Variants in SDHB observed in about 807,000 individuals in gnomAD.
The protein encoded by SDHB is succinate dehydrogenase complex iron sulfur subunit B.
A neutral mutation model predicts 39.7 loss-of-function variants in SDHB; 21 were observed. The ratio of observed to expected loss-of-function variants is 0.53; its 90% CI spans 0.37 to 0.76. The LOEUF is 0.76. Among genes scored for constraint, SDHB ranks in the 30% least tolerant of loss-of-function variants. The probability of loss-of-function intolerance (pLI) is 0.00; values close to 1 mark genes in which losing one functional copy is unlikely to be tolerated. For missense variants in SDHB, 343 were observed against 350.9 expected (o/e 0.98, Z 0.18); for synonymous variants, 118 against 117.0 (o/e 1.01, Z -0.06).
intron 7 of SDHB, 143 bp from the exon 8 acceptor site, chr1:17,019,101 G>T: frequency 4.2e-6 from 3 of 722,406 alleles, no homozygotes; most frequent in Non-Finnish European, 7.5e-6. Flanking sequence ...AACCATAGGG[G>T]TTGGGCTAAG....
chr1:17,018,935 A>T lies in SDHB; in HGVS notation c.789T>A (p.Ile263=). ...TTGCCATCATTTTCTTGATCTCTGC[A>T]ATAGCTTTCCCTGGATTCAGACCCT... The part of the protein sequence containing the change: ...CPKGLNPGKA[I]AEIKKMMATY... Residue 263 remains isoleucine, a synonymous_variant, in exon 8 of 8, where the codon ATT becomes ATA. Transcript: ENST00000375499. 6.2e-7 allele frequency: 1 copy of T among 1,612,546 alleles called. No homozygotes were observed.
chr1:17,027,789 T>G lies in SDHB; in HGVS notation c.500A>C (p.Lys167Thr). ...LKKKDESQEG[K>T]QQYLQSIEER... is the part of the protein sequence containing the mutation. ...TTCTATGGACTGCAGATACTGCTGC[T>G]TGCCTTCCTGAGATTCATCCTTCTT... is the stretch of plus-strand genomic sequence containing the variant. Residue 167 changes from lysine to threonine, a missense_variant, in exon 5 of 8, where the codon AAG becomes ACG. Physicochemically the swap from Lys to Thr is moderately conservative, Grantham distance 78 (BLOSUM62 -1). Coordinates refer to ENST00000375499, the MANE Select transcript of SDHB (RefSeq NM_003000.3). 6.2e-7 allele frequency: 1 copy of G among 1,612,962 alleles called. No individual in the cohort carries two copies. Among genetic ancestry groups the G allele is most frequent in the Admixed American group, 1.7e-5 (1 of 60,014 alleles).
At chr1:17,027,983 A>G (rs2078000999) in intron 4 of SDHB, 118 bp from the exon 5 acceptor site, 1 of 704,800 alleles carries the variant, frequency 1.4e-6, no homozygotes, top group African/African-American at 1.8e-5. Context: ...TATGCCAGGC[A>G]GAAGCCAGAC....
At chr1:17,044,965 A>T in intron 1 of SDHB, 77 bp from the exon 2 acceptor site, 1 of 1,291,030 alleles carries the variant, frequency 7.7e-7, no homozygotes, top group Non-Finnish European at 1.1e-6. Flanking sequence ...GGCACAACAG[A>T]TGTAACGCTG....
chr1:17,032,247 G>A (rs2078027485), intron 3 of SDHB, among the ~76,000 whole-genome samples: 2 of 148,736 alleles, frequency 1.3e-5, no homozygotes, highest in Middle Eastern at 3.2e-3. Flanking sequence ...TGCCCAGGCT[G>A]GAGTGCAGTG....
chr1:17,023,781 C>T (rs762446189), intron 6 of SDHB, among the ~76,000 whole-genome samples, 192 bp downstream of exon 6: 16 of 152,204 alleles, frequency 1.1e-4, no homozygotes, highest in Non-Finnish European at 2.4e-4. Flanking sequence ...GAAACAAAGG[C>T]AATTTGCAGA....
intron 1 of SDHB, among the ~76,000 whole-genome samples, chr1:17,046,981 T>C (rs952858774): frequency 2.0e-5 from 3 of 152,218 alleles, no homozygotes; most frequent in African/African-American, 7.2e-5. Flanking sequence ...CCTCCCAAAC[T>C]GCTAGGATTA....
chr1:17,039,622 A>G (rs913796027), intron 2 of SDHB, among the ~76,000 whole-genome samples: 2 of 152,036 alleles, frequency 1.3e-5, no homozygotes, highest in African/African-American at 2.4e-5. Flanking sequence ...CTGTCTCAGA[A>G]GAAGAAAAAA....
chr1:17,026,633 G>A (rs1302917930), intron 5 of SDHB, among the ~76,000 whole-genome samples: 1 of 152,058 alleles, frequency 6.6e-6, no homozygotes, highest in Non-Finnish European at 1.5e-5. Flanking sequence ...CCTAAGTGCT[G>A]GGATTACAGA....
chr1:17,023,142 G>A (rs2077971885), intron 6 of SDHB: 2 of 327,530 alleles, frequency 6.1e-6, no homozygotes, highest in Admixed American at 8.4e-5. Flanking sequence ...TAACAGACCT[G>A]TCTACAGATA....
chr1:17,029,430 A>ATTT (rs34853585), intron 3 of SDHB, among the ~76,000 whole-genome samples: 1 of 137,210 alleles, frequency 7.3e-6, no homozygotes, highest in Non-Finnish European at 1.6e-5. Flanking sequence ...CGTCAAGCCT[A>ATTT]TTTTTTTTTT....
Position 17,028,725 on chromosome 1 carries a change from A to G in SDHB, c.298T>C (p.Ser100Pro). ...CCTCCATTGATGTTCATTGCACAAG[A>G]GCCACAGATGCCTGAAAGAGACACA... is the stretch of plus-strand genomic sequence containing the variant. The part of the protein sequence containing the change: ...RRSCREGICG[S>P]CAMNINGGNT... Residue 100 changes from serine (S) to proline (P), a missense_variant, in exon 4 of 8, where the codon TCT (serine) becomes CCT (proline). Transcript: ENST00000375499. The G allele has an allele frequency of 1.9e-6, 3 of 1,614,078 alleles. No individual in the cohort carries two copies. Among genetic ancestry groups the G allele is most frequent in the Non-Finnish European group, 1.7e-6 (2 of 1,180,030 alleles).
chr1:17,038,243 T>C (rs957486073), intron 2 of SDHB, among the ~76,000 whole-genome samples: 1 of 152,238 alleles, frequency 6.6e-6, no homozygotes, highest in Non-Finnish European at 1.5e-5. Context: ...ATGTTATCTA[T>C]GAGAGACAGT....
rs192529901 is a variant in SDHB at position 17,036,112 on chromosome 1, A to G, written c.201-2967T>C. Among the ~76,000 whole-genome samples the G allele has an allele frequency of 9.2e-5, 14 of 152,276 alleles. No homozygotes were observed. The East Asian group carries it at 2.7e-3, about 29-fold the overall frequency. On this transcript the variant is annotated intron_variant, in intron 2 of 7. Coordinates refer to ENST00000375499, the MANE Select transcript of SDHB (RefSeq NM_003000.3). ...CATTTCTATAAGATTTTTAGAATCA[A>G]CTTGTCAACTTCTGCAGAAAAGGCA...
rs750144449 is a variant in SDHB, at chr1:17,018,978, A to G, written c.766-20T>C. Reference sequence around the variant, plus strand: ...CAGACCCTTGAAAAAAGAGAAAAGAATCAATAACAAATGATAACTGAAACT... The same window carrying G: ...CAGACCCTTGAAAAAAGAGAAAAGAGTCAATAACAAATGATAACTGAAACT... On this transcript the variant is annotated intron_variant, in intron 7 of 7. Transcript: ENST00000375499. 23 of 1,569,546 alleles carry G rather than the reference A, an allele frequency of 1.5e-5. No homozygotes were observed. The highest frequency in any genetic ancestry group is 1.9e-5 in the Non-Finnish European group (22 of 1,141,492).
At chr1:17,023,916 T>G in intron 6 of SDHB, 57 bp downstream of exon 6, 9 of 1,337,714 alleles carry the variant, frequency 6.7e-6, no homozygotes, top group Non-Finnish European at 9.7e-6. Context: ...ATTGTCCTCT[T>G]GGACTTCTGG....
intron 2 of SDHB, among the ~76,000 whole-genome samples, chr1:17,034,415 T>C (rs946875629): frequency 2.0e-5 from 3 of 151,604 alleles, no homozygotes; most frequent in East Asian, 3.9e-4. Flanking sequence ...TCTCAAAGTG[T>C]TGGGATTATG....
chr1:17,022,495 C>G, intron 7 of SDHB, 113 bp downstream of exon 7: 2 of 1,452,970 alleles, frequency 1.4e-6, no homozygotes, highest in Non-Finnish European at 1.9e-6. Flanking sequence ...ATGCTGGTCC[C>G]TTTCCTTCTC....
At chr1:17,041,025 G>A (rs1201167775) in intron 2 of SDHB, among the ~76,000 whole-genome samples, 3 of 152,146 alleles carry the variant, frequency 2.0e-5, no homozygotes, top group Non-Finnish European at 4.4e-5. Flanking sequence ...AGCTACTCAG[G>A]AGGCTGAGGT....
Sources: gnomAD v4.1 joint callset for allele counts (sites outside exome capture counted in the v4.1 genomes callset) on GRCh38, gnomAD v4.1.1 for gene constraint, MANE v1.5 for transcripts, NCBI Gene and HGNC (gene_info 2026-07-23, HGNC 2026-07-21) for gene names.